Variants in KCNC3 observed in about 807,000 individuals in gnomAD.
KCNC3 encodes the protein voltage-gated potassium channel KCNC3.
A neutral mutation model predicts 43.9 loss-of-function variants in KCNC3; 22 were observed. The ratio of observed to expected loss-of-function variants is 0.50; its 90% CI spans 0.36 to 0.72. The LOEUF is 0.72. Among genes scored for constraint, KCNC3 ranks in the 30% least tolerant of loss-of-function variants. KCNC3 has a pLI of 0.00. For synonymous variants in KCNC3, 492 were observed against 488.0 expected (o/e 1.01, Z -0.11); for missense variants, 829 against 1,073.8 (o/e 0.77, Z 3.19).
At chr19:50,316,147 C>A (rs1402270508) in intron 4 of KCNC3, 56 bp from the exon 5 acceptor site, 2 of 401,032 alleles carry the variant, frequency 5.0e-6, no homozygotes, top group Non-Finnish European at 4.6e-6. Context: ...TCAGGGGAAA[C>A]CCCCCAACAC....
In KCNC3 at chr19:50,328,937, G is replaced by T. The variant is rs2037143568; in HGVS notation, c.146C>A (p.Ala49Asp). ...TGCCGGGGGGCCCGCCGGGGACGCG[G>T]CGGGGCCGGGCTGCGCAGGCTGCTG... The part of the protein sequence containing the change: ...QQQQPAQPGP[A>D]ASPAGPPAPR... Residue 49 changes from alanine (A) to aspartate (D), a missense_variant, in exon 1 of 5, where the codon GCC becomes GAC. This residue lies in a region of KCNC3 where 129 missense variants were observed against 83.6 expected (regional missense o/e 1.54). Coordinates refer to ENST00000477616, the MANE Select transcript of KCNC3 (RefSeq NM_004977.3). The T allele has an allele frequency of 2.5e-6, 2 of 803,330 alleles. No individual in the cohort carries two copies. The highest frequency in any genetic ancestry group is 6.2e-4 in the Middle Eastern group (1 of 1,618). 49.8% of individuals were successfully genotyped at this position (803,330 alleles called of 1,614,324 possible).
upstream of KCNC3, among the ~76,000 whole-genome samples, chr19:50,330,593 G>T (rs1282723485): frequency 1.3e-5 from 2 of 152,138 alleles, no homozygotes; most frequent in African/African-American, 4.8e-5. Flanking sequence ...ACACCGCGGC[G>T]GACTGCAGAT....
At chr19:50,317,137 G>A (rs73592151) in intron 4 of KCNC3, among the ~76,000 whole-genome samples, 1,856 of 151,384 alleles carry the variant, frequency 0.012, 45 homozygotes, top group African/African-American at 0.043. Context: ...GTGGGTGCAA[G>A]CAGGGGGAGG....
rs2037134673 is a variant in KCNC3 at position 50,328,441 on chromosome 19, G to T, written c.642C>A (p.Ala214=). The change falls in exon 1 of 5, where the codon GCC becomes GCA. Residue 214 remains alanine, a synonymous_variant. Transcript: ENST00000477616. ...APDPAGAANA[A]NAAGAHDGGL... is the part of the protein sequence containing the mutation. ...CTCCGTCGTGGGCGCCTGCGGCGTT[G>T]GCGGCGTTGGCGGCGCCCGCGGGGT... 1.3e-6 allele frequency: 2 copies of T among 1,568,458 alleles called. No homozygotes were observed. The highest frequency in any genetic ancestry group is 4.7e-5 in the East Asian group (2 of 42,424).
In KCNC3 at chr19:50,323,999, A is replaced by G. The variant is rs1250155323; in HGVS notation, c.954T>C (p.Ile318=). 6.2e-7 allele frequency: 1 copy of G among 1,612,346 alleles called. No individual in the cohort carries two copies. The highest frequency in any genetic ancestry group is 8.5e-7 in the Non-Finnish European group (1 of 1,178,604). ...AGGCCTGGGTCACCGTCTTGTTGCT[A>G]ATATGGATGAAGCCCTCATGGGTTT... ...CLETHEGFIH[I]SNKTVTQASP... Residue 318 remains isoleucine, a synonymous_variant, in exon 2 of 5, where the codon ATT becomes ATC. Coordinates refer to ENST00000477616, the MANE Select transcript of KCNC3 (RefSeq NM_004977.3).
intron 4 of KCNC3, among the ~76,000 whole-genome samples, chr19:50,318,539 A>G (rs1242872938): frequency 6.6e-6 from 1 of 152,168 alleles, no homozygotes; most frequent in Non-Finnish European, 1.5e-5. Flanking sequence ...GTAAAAGGCC[A>G]GATAGTAAAT....
chr19:50,331,254 T>C (rs2037185130), upstream of KCNC3, among the ~76,000 whole-genome samples: 2 of 125,324 alleles, frequency 1.6e-5, no homozygotes, highest in Admixed American at 7.3e-5. Context: ...TCCTCCCTGG[T>C]GTCTCAGTCC....
upstream of KCNC3, among the ~76,000 whole-genome samples, chr19:50,330,899 G>A (rs2037180353): frequency 6.6e-6 from 1 of 152,052 alleles, no homozygotes; most frequent in African/African-American, 2.4e-5. Context: ...GGCGGGGCCA[G>A]CGGCTGCGGC....
chr19:50,322,150 G>A (rs1316508301), intron 2 of KCNC3, among the ~76,000 whole-genome samples: 1 of 151,914 alleles, frequency 6.6e-6, no homozygotes, highest in Non-Finnish European at 1.5e-5. Flanking sequence ...GCGGGGCAGT[G>A]CAGGGGGGGG....
chr19:50,326,110 C>T (rs2037102250), intron 1 of KCNC3, among the ~76,000 whole-genome samples: 1 of 152,162 alleles, frequency 6.6e-6, no homozygotes, highest in Non-Finnish European at 1.5e-5. Flanking sequence ...CTCCACTTTG[C>T]TTTGGCCTCA....
chr19:50,331,693 T>A (rs1431068104), upstream of KCNC3, among the ~76,000 whole-genome samples: 1 of 151,784 alleles, frequency 6.6e-6, no homozygotes, highest in East Asian at 1.9e-4. Flanking sequence ...CTCTTTCTCT[T>A]GCTGGCTCTC....
At chr19:50,318,180 C>CT (rs1218555611) in intron 4 of KCNC3, among the ~76,000 whole-genome samples, 14 of 148,692 alleles carry the variant, frequency 9.4e-5, no homozygotes, top group Admixed American at 3.3e-4. Flanking sequence ...TCTTCTTCTT[C>CT]TTTTTTTTGA....
At chr19:50,321,795 A>T (rs540841110) in intron 2 of KCNC3, among the ~76,000 whole-genome samples, 10 of 148,768 alleles carry the variant, frequency 6.7e-5, no homozygotes, top group African/African-American at 2.0e-4. Flanking sequence ...AAAGAGAGAG[A>T]TGGTTGCGGA....
At position 50,328,355 on chromosome 19, in the gene KCNC3, T is replaced by C. The variant is rs1270272391; in HGVS notation, c.728A>G (p.Lys243Arg). The C allele has an allele frequency of 3.4e-6, 4 of 1,178,844 alleles. No homozygotes were observed. Among genetic ancestry groups the C allele is most frequent in the Non-Finnish European group, 4.2e-6 (4 of 956,936 alleles). The allele number at this position is 1,178,844 out of a possible 1,614,324, so 73.0% of individuals were successfully genotyped here. ...GGLDGAGGEL[K>R]RLCFQDAGGG... ...GCCCGCGTCCTGGAAGCAGAGGCGCTTGAGCTCGCCGCCCGCTCCGTCCAG... is the reference window on the plus strand; with the variant it reads ...GCCCGCGTCCTGGAAGCAGAGGCGCCTGAGCTCGCCGCCCGCTCCGTCCAG... Residue 243 changes from lysine to arginine, a missense_variant, in exon 1 of 5, where the codon AAG (lysine) becomes AGG (arginine). Physicochemically the swap from Lys to Arg is conservative, Grantham distance 26. This residue lies in a region of KCNC3 where 60 missense variants were observed against 56.0 expected (regional missense o/e 1.07). Transcript: ENST00000477616.
At chr19:50,316,422 C>T (rs1193693054) in intron 4 of KCNC3, among the ~76,000 whole-genome samples, 1 of 151,654 alleles carries the variant, frequency 6.6e-6, no homozygotes, top group Admixed American at 6.6e-5. Flanking sequence ...AAAGGAGGGT[C>T]TTGGGAGGAC....
chr19:50,315,251 A>C lies in KCNC3; in HGVS notation c.*864T>G, dbSNP rs1294519748. Among the ~76,000 whole-genome samples, 2 of 151,166 alleles carry C rather than the reference A, an allele frequency of 1.3e-5. No homozygotes were observed. The highest frequency in any genetic ancestry group is 4.9e-5 in the African/African-American group (2 of 41,032). On this transcript the variant is annotated 3_prime_UTR_variant, in exon 5 of 5. Coordinates refer to ENST00000477616, the MANE Select transcript of KCNC3 (RefSeq NM_004977.3). ...GAGAGAGAAAGTGAACAAATCGGGG[A>C]GTCAGTCAACATCGATGAGAAAGGG... is the stretch of plus-strand genomic sequence containing the variant.
intron 4 of KCNC3, among the ~76,000 whole-genome samples, chr19:50,319,683 T>C (rs2037002241): frequency 6.6e-6 from 1 of 152,070 alleles, no homozygotes; most frequent in Non-Finnish European, 1.5e-5. Flanking sequence ...ATACATCGCC[T>C]CAAACCATGA....
Position 50,314,995 on chromosome 19 carries a change from G to T in KCNC3, c.*1120C>A, listed in dbSNP as rs115192757. ...GGCTGCGGGATTTCTCGTAACCTGG[G>T]GGGTGGGGAGGTGTGCAGACACAGG... is the stretch of plus-strand genomic sequence containing the variant. On this transcript the variant is annotated 3_prime_UTR_variant, in exon 5 of 5. Coordinates refer to ENST00000477616, the MANE Select transcript of KCNC3 (RefSeq NM_004977.3). 1 of 276,634 alleles carries T rather than the reference G, an allele frequency of 3.6e-6. No homozygotes were observed. Among genetic ancestry groups the T allele is most frequent in the Non-Finnish European group, 7.1e-6 (1 of 141,008 alleles). 17.1% of individuals were successfully genotyped at this position (276,634 alleles called of 1,614,324 possible).
chr19:50,330,989 C>G (rs560185616), upstream of KCNC3, among the ~76,000 whole-genome samples: 2 of 152,138 alleles, frequency 1.3e-5, no homozygotes, highest in East Asian at 3.9e-4. Context: ...TCGGGCAGCA[C>G]AGTTTCTGGC....
Sources: gnomAD v4.1 joint callset for allele counts (sites outside exome capture counted in the v4.1 genomes callset) on GRCh38, gnomAD v4.1.1 for gene constraint, gnomAD v4.1.1 regional missense constraint, MANE v1.5 for transcripts, NCBI Gene and HGNC (gene_info 2026-07-23, HGNC 2026-07-21) for gene names.